HIF3A: variants seen among roughly 807,000 people sequenced by gnomAD.
HIF3A encodes the protein hypoxia-inducible factor 3-alpha.
In HIF3A, 41 loss-of-function variants were observed where a neutral mutation model predicts 67.2. That is an observed-to-expected ratio of 0.61 (90% CI 0.48 to 0.79). HIF3A has a LOEUF of 0.79. Ranked by LOEUF, HIF3A falls within the 30% of genes least tolerant of loss-of-function variation. The pLI is 0.00. For synonymous variants in HIF3A, 356 were observed against 374.8 expected (o/e 0.95, Z 0.58); for missense variants, 855 against 898.0 (o/e 0.95, Z 0.61).
At chr19:46,302,139 G>C (rs1166939614) in intron 1 of HIF3A, among the ~76,000 whole-genome samples, 1 of 150,930 alleles carries the variant, frequency 6.6e-6, no homozygotes, top group Non-Finnish European at 1.5e-5. Context: ...TTTTTTATTT[G>C]TTTGTTTTGA....
rs1416114899 is a variant in HIF3A at position 46,305,269 on chromosome 19, G to T, written c.242G>T (p.Gly81Val). 2 of 1,613,942 alleles carry T rather than the reference G, an allele frequency of 1.2e-6. No individual in the cohort carries two copies. Among genetic ancestry groups the T allele is most frequent in the African/African-American group, 1.3e-5 (1 of 74,912 alleles). The part of the protein sequence containing the change: ...AAGEWNQVGA[G>V]GEPLDACYLK... ...GGGGAGTGGAACCAGGTGGGAGCAGGGGGAGAACCACTGGATGCCTGCTAC... is the reference window on the plus strand; with the variant it reads ...GGGGAGTGGAACCAGGTGGGAGCAGTGGGAGAACCACTGGATGCCTGCTAC... Residue 81 changes from glycine to valine, a missense_variant, in exon 3 of 15, where the codon GGG becomes GTG. Around this residue, in one of 3 missense-constraint regions of HIF3A, gnomAD observed 638 missense variants for 660.5 expected, o/e 0.97. Coordinates refer to ENST00000377670, the MANE Select transcript of HIF3A (RefSeq NM_152795.4).
chr19:46,307,614 G>A (rs920095375), intron 3 of HIF3A, among the ~76,000 whole-genome samples: 6 of 152,026 alleles, frequency 3.9e-5, no homozygotes, highest in Admixed American at 2.0e-4. Context: ...CGGGTGTGGT[G>A]GCACATGTCT....
intron 10 of HIF3A, among the ~76,000 whole-genome samples, chr19:46,324,278 C>T (rs1163555396): frequency 6.6e-6 from 1 of 152,176 alleles, no homozygotes; most frequent in Non-Finnish European, 1.5e-5. Flanking sequence ...ATGAGAAGCA[C>T]TCAGTAGGGG....
chr19:46,321,660 T>A, intron 9 of HIF3A, 116 bp from the exon 10 acceptor site: 2 of 882,908 alleles, frequency 2.3e-6, no homozygotes, highest in Non-Finnish European at 3.6e-6. Flanking sequence ...CTAAGAACAG[T>A]GGCCATCCTG....
chr19:46,300,946 A>AGCTGCCTGGGAGGTGGGGCG (rs1968270593), intron 1 of HIF3A, among the ~76,000 whole-genome samples: 2 of 150,900 alleles, frequency 1.3e-5, no homozygotes, highest in East Asian at 2.0e-4. Flanking sequence ...GAGGTGGGGC[A>AGCTGCCTGGGAGGTGGGGCG]CTGGCCCCAC....
chr19:46,318,683 T>C (rs749448072), intron 8 of HIF3A, among the ~76,000 whole-genome samples: 2 of 151,576 alleles, frequency 1.3e-5, no homozygotes, highest in Non-Finnish European at 2.9e-5. Context: ...TGCAGTGGCG[T>C]GATCTCGGCT....
Position 46,308,721 on chromosome 19 carries a change from G to A in HIF3A, c.507G>A (p.Lys169=). 1 of 1,611,686 alleles carries A rather than the reference G, an allele frequency of 6.2e-7. No individual in the cohort carries two copies. The highest frequency in any genetic ancestry group is 8.5e-7 in the Non-Finnish European group (1 of 1,179,162). Residue 169 remains lysine, a synonymous_variant, in exon 5 of 15, where the codon AAG becomes AAA. Coordinates refer to ENST00000377670, the MANE Select transcript of HIF3A (RefSeq NM_152795.4). ...AGCGGTGCTTCTCCTTGCGCATGAAGAGTACACTCACCAGCCGCGGGCGCA... is the reference window on the plus strand; with the variant it reads ...AGCGGTGCTTCTCCTTGCGCATGAAAAGTACACTCACCAGCCGCGGGCGCA... ...PTERCFSLRM[K]STLTSRGRTL... is the part of the protein sequence containing the mutation.
At chr19:46,337,493 T>C (rs1971714997) in intron 14 of HIF3A, among the ~76,000 whole-genome samples, 1 of 152,184 alleles carries the variant, frequency 6.6e-6, no homozygotes, top group Non-Finnish European at 1.5e-5. Context: ...GGTCTCAAAC[T>C]CCTGGGCTCA....
chr19:46,324,862 A>AT (rs1177032630), intron 10 of HIF3A, among the ~76,000 whole-genome samples: 1 of 150,282 alleles, frequency 6.7e-6, no homozygotes, highest in Non-Finnish European at 1.5e-5. Context: ...TCAAAAAAAA[A>AT]GTCTTGGCCT....
Position 46,309,162 on chromosome 19 carries a change from C to T in HIF3A, c.573C>T (p.Cys191=). 6.2e-7 allele frequency: 1 copy of T among 1,613,866 alleles called. No individual in the cohort carries two copies. The stretch of plus-strand genomic sequence containing the variant: ...ATCTCGGCCCCCAGGTGCTGAACTG[C>T]TCTGGACATATGAGGGCCTACAAGC... ...LKAATWKVLN[C]SGHMRAYKPP... The change falls in exon 6 of 15, where the codon TGC becomes TGT. Residue 191 remains cysteine (C), a synonymous_variant. Transcript: ENST00000377670.
chr19:46,317,296 C>A (rs1449699639), intron 8 of HIF3A, among the ~76,000 whole-genome samples: 3 of 152,058 alleles, frequency 2.0e-5, no homozygotes, highest in Non-Finnish European at 4.4e-5. Flanking sequence ...CTCAAGTGAC[C>A]CTCCCGCCTC....
chr19:46,336,096 T>C (rs1971595661), intron 14 of HIF3A, among the ~76,000 whole-genome samples: 1 of 130,850 alleles, frequency 7.6e-6, no homozygotes, highest in Non-Finnish European at 1.6e-5. Flanking sequence ...TTTTTTTTTT[T>C]TTTTTTTTTT....
chr19:46,327,565 G>A (rs1243840304), intron 11 of HIF3A, among the ~76,000 whole-genome samples: 1 of 152,000 alleles, frequency 6.6e-6, no homozygotes. Context: ...TTGCCATCTG[G>A]AGGGCTCCTG....
intron 3 of HIF3A, 140 bp downstream of exon 3, chr19:46,305,530 C>A: frequency 1.1e-6 from 1 of 882,504 alleles, no homozygotes; most frequent in Non-Finnish European, 1.7e-6. Context: ...ACAGGAAGAC[C>A]CAGAATGGTC....
In HIF3A at chr19:46,342,600, A is replaced by G. The variant is rs1282491047; in HGVS notation, c.*2978A>G. ...CTGCTTCTAAGCCTCACAGCTTCCA[A>G]CTGCCTTTGATTTCAGATCCAAATT... On this transcript the variant is annotated 3_prime_UTR_variant, in exon 15 of 15. Transcript: ENST00000377670. 1.3e-5 allele frequency: 2 copies of G among 152,224 alleles called. No homozygotes were observed. Among genetic ancestry groups the G allele is most frequent in the African/African-American group, 4.8e-5 (2 of 41,544 alleles). The allele number at this position is 152,224 out of a possible 1,614,324, so 9.4% of individuals were successfully genotyped here. A position where few individuals can be genotyped will look rare whatever the true frequency, so the allele number is the denominator to read the frequency against.
chr19:46,331,723 C>T (rs558931220), intron 13 of HIF3A, among the ~76,000 whole-genome samples: 6 of 151,402 alleles, frequency 4.0e-5, no homozygotes, highest in Admixed American at 1.3e-4. Context: ...GGCATGGTGG[C>T]GCATGCCTGT....
At chr19:46,303,704 G>C (rs773155907) in intron 1 of HIF3A, 194 bp from the exon 2 acceptor site, 6 of 1,576,700 alleles carry the variant, frequency 3.8e-6, no homozygotes, top group South Asian at 3.5e-5. Context: ...TCAGGGCTAG[G>C]AAGGGCTCCA....
chr19:46,328,017 G>A (rs1015137145), intron 11 of HIF3A, among the ~76,000 whole-genome samples: 1 of 152,148 alleles, frequency 6.6e-6, no homozygotes, highest in South Asian at 2.1e-4. Flanking sequence ...CATTGCATAG[G>A]CATGATTGAG....
At chr19:46,331,792 T>C (rs752757805) in intron 13 of HIF3A, among the ~76,000 whole-genome samples, 1 of 146,944 alleles carries the variant, frequency 6.8e-6, no homozygotes, top group Admixed American at 6.8e-5. Flanking sequence ...GAACAGAAGA[T>C]TGCAGTGAGC....
Sources: gnomAD v4.1 joint callset for allele counts (sites outside exome capture counted in the v4.1 genomes callset) on GRCh38, gnomAD v4.1.1 for gene constraint, gnomAD v4.1.1 regional missense constraint, MANE v1.5 for transcripts, NCBI Gene and HGNC (gene_info 2026-07-23, HGNC 2026-07-21) for gene names.